Variants in CPEB4 observed in about 807,000 individuals in gnomAD.
CPEB4 encodes cytoplasmic polyadenylation element-binding protein 4.
A neutral mutation model predicts 72.5 loss-of-function variants in CPEB4; 12 were observed. The ratio of observed to expected loss-of-function variants is 0.17; its 90% CI spans 0.11 to 0.27. The LOEUF is 0.27. Among genes scored for constraint, CPEB4 ranks in the 10% least tolerant of loss-of-function variants. The pLI, the probability that CPEB4 is intolerant of heterozygous loss-of-function variation, is 1.00. For missense variants in CPEB4, 614 were observed against 908.5 expected (o/e 0.68, Z 4.17); for synonymous variants, 302 against 326.3 (o/e 0.93, Z 0.80).
chr5:173,945,847 C>T (rs1268417752), intron 5 of CPEB4, among the ~76,000 whole-genome samples: 3 of 152,192 alleles, frequency 2.0e-5, no homozygotes, highest in African/African-American at 7.2e-5. Flanking sequence ...CATGCAAAGA[C>T]TTAGAGGGAC....
rs1033188416 is a variant in CPEB4, at chr5:173,889,526, G to A, written c.-208G>A. On this transcript the variant is annotated 5_prime_UTR_variant, in exon 1 of 10. Transcript: ENST00000265085. Reference sequence around the variant, plus strand: ...TTGGATCCAAGTCAATGTTTTAAGAGATTTTTTTAAGAGTTGTTTTTTCTT... The same window carrying A: ...TTGGATCCAAGTCAATGTTTTAAGAAATTTTTTTAAGAGTTGTTTTTTCTT... 1 of 462,486 alleles carries A rather than the reference G, an allele frequency of 2.2e-6. No individual in the cohort carries two copies. 28.6% of individuals were successfully genotyped at this position (462,486 alleles called of 1,614,324 possible).
At chr5:173,941,796 T>G (rs1403824605) in intron 3 of CPEB4, among the ~76,000 whole-genome samples, 3 of 152,182 alleles carry the variant, frequency 2.0e-5, no homozygotes, top group African/African-American at 7.2e-5. Context: ...GAGAATCGCT[T>G]GAACCCGGGA....
chr5:173,927,503 C>T (rs911791537), intron 2 of CPEB4, among the ~76,000 whole-genome samples: 2 of 152,184 alleles, frequency 1.3e-5, no homozygotes, highest in African/African-American at 2.4e-5. Flanking sequence ...TCCAGCCAGG[C>T]GCAGTGGCTC....
intron 5 of CPEB4, among the ~76,000 whole-genome samples, chr5:173,945,503 G>A (rs1467749378): frequency 1.3e-5 from 2 of 152,102 alleles, no homozygotes; most frequent in African/African-American, 2.4e-5. Context: ...CATTTTATGA[G>A]TGCTCCACAA....
intron 1 of CPEB4, among the ~76,000 whole-genome samples, chr5:173,907,101 T>C (rs1426579382): frequency 3.3e-5 from 5 of 152,202 alleles, no homozygotes; most frequent in Admixed American, 3.3e-4. Flanking sequence ...ACCCCGTCTA[T>C]ACTAAAAATA....
At chr5:173,930,963 C>T (rs1459043097) in intron 2 of CPEB4, among the ~76,000 whole-genome samples, 1 of 141,780 alleles carries the variant, frequency 7.1e-6, no homozygotes, top group Non-Finnish European at 1.5e-5. Context: ...TGCACTCCAG[C>T]CTTGGAGACA....
rs1311971914 is a variant in CPEB4 at position 173,889,241 on chromosome 5, T to C, written c.-493T>C. 6.6e-6 allele frequency: 1 copy of C among 151,840 alleles called. No individual in the cohort carries two copies. The highest frequency in any genetic ancestry group is 1.5e-5 in the Non-Finnish European group (1 of 68,006). 9.4% of individuals were successfully genotyped at this position (151,840 alleles called of 1,614,324 possible). ...TAACCAAGCTGCCAAGAAAAGAACG[T>C]ATTCCCCTCTTAGTCCTATTCTAAT... On this transcript the variant is annotated 5_prime_UTR_variant, in exon 1 of 10. Transcript: ENST00000265085.
intron 2 of CPEB4, among the ~76,000 whole-genome samples, chr5:173,920,303 T>G (rs75077766): frequency 0.014 from 2,116 of 152,296 alleles, 56 homozygotes; most frequent in African/African-American, 0.049. Flanking sequence ...GAAGGAGGAA[T>G]CAACCAATTA....
intron 5 of CPEB4, among the ~76,000 whole-genome samples, 173 bp downstream of exon 5, chr5:173,945,313 G>A (rs538162207): frequency 6.6e-6 from 1 of 152,244 alleles, no homozygotes; most frequent in Admixed American, 6.5e-5. Context: ...AGAAGGGAGG[G>A]GAGCAGAGCT....
chr5:173,919,714 C>G (rs929082260), intron 2 of CPEB4, among the ~76,000 whole-genome samples: 1 of 152,266 alleles, frequency 6.6e-6, no homozygotes, highest in South Asian at 2.1e-4. Context: ...CCACCTGATT[C>G]ATAGTTGTCA....
chr5:173,909,911 A>G (rs1756581044), intron 1 of CPEB4, among the ~76,000 whole-genome samples: 1 of 151,840 alleles, frequency 6.6e-6, no homozygotes. Context: ...GAGGCACAAG[A>G]ATTATTTGAA....
chr5:173,946,954 T>C (rs1262462479), intron 5 of CPEB4, among the ~76,000 whole-genome samples: 1 of 151,846 alleles, frequency 6.6e-6, no homozygotes, highest in Non-Finnish European at 1.5e-5. Flanking sequence ...CATGTTAACC[T>C]TTTTCCCCCC....
intron 1 of CPEB4, among the ~76,000 whole-genome samples, chr5:173,899,918 C>T (rs1404106508): frequency 6.6e-6 from 1 of 152,104 alleles, no homozygotes; most frequent in Non-Finnish European, 1.5e-5. Flanking sequence ...TGGCCAGTGA[C>T]CTCCTCTTTG....
At chr5:173,926,483 A>G (rs1037091877) in intron 2 of CPEB4, among the ~76,000 whole-genome samples, 2 of 152,178 alleles carry the variant, frequency 1.3e-5, no homozygotes, top group Non-Finnish European at 2.9e-5. Flanking sequence ...TGACGTATGG[A>G]TCTTTTCTAG....
At chr5:173,894,720 T>A (rs1210559082) in intron 1 of CPEB4, among the ~76,000 whole-genome samples, 1 of 152,064 alleles carries the variant, frequency 6.6e-6, no homozygotes, top group Non-Finnish European at 1.5e-5. Context: ...AAGCAGAAAT[T>A]ATTATTATTT....
intron 2 of CPEB4, among the ~76,000 whole-genome samples, chr5:173,921,831 A>G (rs1330993492): frequency 6.6e-6 from 1 of 152,188 alleles, no homozygotes; most frequent in Non-Finnish European, 1.5e-5. Context: ...TTCCTTTTCG[A>G]GGTAGACCTG....
intron 4 of CPEB4, 145 bp downstream of exon 4, chr5:173,943,194 T>A: frequency 1.4e-6 from 1 of 725,976 alleles, no homozygotes; most frequent in Non-Finnish European, 2.2e-6. Context: ...ACAGTTAACA[T>A]TTTAGACATA....
At chr5:173,898,049 A>G (rs1422057352) in intron 1 of CPEB4, among the ~76,000 whole-genome samples, 3 of 152,192 alleles carry the variant, frequency 2.0e-5, no homozygotes, top group African/African-American at 7.2e-5. Context: ...AAGCTGTACA[A>G]GCGCATTTTA....
rs750044893 is a variant in CPEB4 at position 173,890,771 on chromosome 5, G to A, written c.1038G>A (p.Gln346=). Residue 346 remains glutamine, a synonymous_variant, in exon 1 of 10, where the codon CAG becomes CAA. Transcript: ENST00000265085. ...TTGCAAGCAATCATATTCAGCTCCA[G>A]AAGTATGCTCGCCCCAGCTCTGCCT... is the stretch of plus-strand genomic sequence containing the variant. ...KNFASNHIQL[Q]KYARPSSAFA... is the part of the protein sequence containing the mutation. The A allele has an allele frequency of 5.0e-6, 8 of 1,614,080 alleles. No individual in the cohort carries two copies. The highest frequency in any genetic ancestry group is 6.8e-6 in the Non-Finnish European group (8 of 1,180,046).
Sources: gnomAD v4.1 joint callset for allele counts (sites outside exome capture counted in the v4.1 genomes callset) on GRCh38, gnomAD v4.1.1 for gene constraint, MANE v1.5 for transcripts, NCBI Gene and HGNC (gene_info 2026-07-23, HGNC 2026-07-21) for gene names.